Variants in LMBR1 observed in about 807,000 individuals in gnomAD.
LMBR1 encodes the protein limb region 1 protein homolog.
LMBR1 carries 52 observed loss-of-function variants against 73.9 expected under a neutral mutation model. That is an observed-to-expected ratio of 0.70 (90% CI 0.56 to 0.89). The LOEUF (loss-of-function observed/expected upper bound fraction) is 0.89. Ranked by LOEUF, LMBR1 falls within the 40% of genes least tolerant of loss-of-function variation. LMBR1 has a pLI of 0.00. For synonymous variants in LMBR1, 215 were observed against 209.4 expected (o/e 1.03, Z -0.23); for missense variants, 539 against 579.8 (o/e 0.93, Z 0.72).
chr7:156,772,229 G>C (rs988605781), intron 5 of LMBR1, among the ~76,000 whole-genome samples: 1 of 152,024 alleles, frequency 6.6e-6, no homozygotes, highest in Non-Finnish European at 1.5e-5. Context: ...AGCCAAGATC[G>C]TACCACTGCA....
At position 156,892,972 on chromosome 7, in the gene LMBR1, A is replaced by T; in HGVS notation, c.22T>A (p.Ser8Thr). The T allele has an allele frequency of 6.5e-7, 1 of 1,541,876 alleles. No homozygotes were observed. Among genetic ancestry groups the T allele is most frequent in the Non-Finnish European group, 8.7e-7 (1 of 1,151,598 alleles). Reference sequence around the variant, plus strand: ...CTGTGGAAGTGCTGCTCCCGCGCCGACACCTCGTCCTGCCCTTCCATCCTC... The same window carrying T: ...CTGTGGAAGTGCTGCTCCCGCGCCGTCACCTCGTCCTGCCCTTCCATCCTC... MEGQDEVSAREQHFHSQV... is the reference protein window; with the variant it reads MEGQDEVTAREQHFHSQV... Residue 8 changes from serine to threonine, a missense_variant, in exon 1 of 17, where the codon TCG (serine) becomes ACG (threonine). Physicochemically the swap from Ser to Thr is moderately conservative, Grantham distance 58. Transcript: ENST00000353442.
chr7:156,873,387 T>A (rs1201347703), intron 1 of LMBR1, among the ~76,000 whole-genome samples: 1 of 152,152 alleles, frequency 6.6e-6, no homozygotes, highest in East Asian at 1.9e-4. Flanking sequence ...AAAAGCAGCG[T>A]GGACCCAAAG....
chr7:156,859,906 A>G (rs1163943198), intron 1 of LMBR1, among the ~76,000 whole-genome samples: 1 of 152,240 alleles, frequency 6.6e-6, no homozygotes, highest in African/African-American at 2.4e-5. Context: ...TTATAGGCCT[A>G]CAATAATCAA....
At chr7:156,795,220 C>T (rs1377170611) in intron 5 of LMBR1, among the ~76,000 whole-genome samples, 1 of 152,202 alleles carries the variant, frequency 6.6e-6, no homozygotes, top group Non-Finnish European at 1.5e-5. Context: ...CCTGTGAAGC[C>T]TGCTCAGATT....
intron 5 of LMBR1, among the ~76,000 whole-genome samples, chr7:156,776,050 TGA>T (rs1358211625): frequency 1.3e-5 from 2 of 148,918 alleles, no homozygotes; most frequent in Non-Finnish European, 3.0e-5. Flanking sequence ...TATATATATA[TGA>T]GTTATATATA....
At chr7:156,815,664 C>T (rs929982879) in intron 4 of LMBR1, among the ~76,000 whole-genome samples, 2 of 152,236 alleles carry the variant, frequency 1.3e-5, no homozygotes, top group East Asian at 1.9e-4. Flanking sequence ...TCATTAGCCA[C>T]GTGGCTCACT....
chr7:156,807,411 T>C (rs901748395), intron 4 of LMBR1, among the ~76,000 whole-genome samples: 2 of 150,770 alleles, frequency 1.3e-5, no homozygotes, highest in Non-Finnish European at 3.0e-5. Context: ...AAGGCTTTAA[T>C]AGTTTTTGCC....
At chr7:156,771,570 T>A (rs1483443519) in intron 5 of LMBR1, among the ~76,000 whole-genome samples, 2 of 152,102 alleles carry the variant, frequency 1.3e-5, no homozygotes, top group African/African-American at 4.8e-5. Context: ...GAATAATGAG[T>A]TCTGAAACCG....
chr7:156,829,677 G>C (rs1043047334), intron 3 of LMBR1, among the ~76,000 whole-genome samples: 4 of 152,072 alleles, frequency 2.6e-5, no homozygotes, highest in Non-Finnish European at 5.9e-5. Flanking sequence ...TTCTACCATG[G>C]CCCTGCTGCT....
chr7:156,741,866 G>A (rs1040093192), intron 9 of LMBR1, among the ~76,000 whole-genome samples: 3 of 152,054 alleles, frequency 2.0e-5, no homozygotes, highest in African/African-American at 7.2e-5. Context: ...CTCAGCACAA[G>A]GATCATTCTC....
chr7:156,710,098 G>A lies in LMBR1; in HGVS notation c.1225+14014C>T, dbSNP rs533056898. ...TTTGTGTATTTTTTAGTAGAGACGGGGTTTCACCATGTCAGCCAGGATGCT... is the reference window on the plus strand; with the variant it reads ...TTTGTGTATTTTTTAGTAGAGACGGAGTTTCACCATGTCAGCCAGGATGCT... On this transcript the variant is annotated intron_variant, in intron 15 of 16. Transcript: ENST00000353442. Among the ~76,000 whole-genome samples, 382 of 151,770 alleles carry A rather than the reference G, an allele frequency of 2.5e-3. 1 individual carries two copies. Among genetic ancestry groups the A allele is most frequent in the Non-Finnish European group, 3.6e-3 (244 of 67,938 alleles).
chr7:156,726,025 G>A (rs1815679749), intron 12 of LMBR1, 188 bp from the exon 13 acceptor site: 1 of 439,454 alleles, frequency 2.3e-6, no homozygotes, highest in Non-Finnish European at 4.1e-6. Context: ...CAGGCACCAT[G>A]TTAACAATTT....
At chr7:156,676,997 A>G (rs1804183409), downstream of LMBR1, 1 of 220,412 alleles carries the variant, frequency 4.5e-6, no homozygotes, top group Non-Finnish European at 9.2e-6. Context: ...ACACTCCTTA[A>G]GTTCCAAATG....
intron 4 of LMBR1, chr7:156,822,183 T>C (rs1461805175): frequency 6.6e-6 from 1 of 152,164 alleles, no homozygotes; most frequent in Admixed American, 6.5e-5. Context: ...GGCATAGGAA[T>C]AGACAGACAA....
intron 15 of LMBR1, among the ~76,000 whole-genome samples, chr7:156,703,852 C>G (rs2132091505): frequency 6.6e-6 from 1 of 152,266 alleles, no homozygotes; most frequent in East Asian, 1.9e-4. Flanking sequence ...CCTGAGACAC[C>G]CAAGTACTTC....
At chr7:156,874,082 C>T (rs529714960) in intron 1 of LMBR1, among the ~76,000 whole-genome samples, 3 of 152,336 alleles carry the variant, frequency 2.0e-5, no homozygotes, top group South Asian at 2.1e-4. Context: ...AGGCTCAGGC[C>T]GCACAGGAGC....
chr7:156,775,204 C>T (rs535100411), intron 5 of LMBR1, among the ~76,000 whole-genome samples: 2 of 151,938 alleles, frequency 1.3e-5, no homozygotes, highest in South Asian at 2.1e-4. Flanking sequence ...CCCATCTCTA[C>T]GGAAAATTCA....
chr7:156,851,010 C>T (rs1236674425), intron 1 of LMBR1, among the ~76,000 whole-genome samples: 4 of 152,104 alleles, frequency 2.6e-5, no homozygotes, highest in Admixed American at 2.6e-4. Context: ...TATCCATTCC[C>T]TCTTGCTCCC....
At chr7:156,850,016 A>C (rs1348171918) in intron 1 of LMBR1, among the ~76,000 whole-genome samples, 1 of 152,206 alleles carries the variant, frequency 6.6e-6, no homozygotes, top group Non-Finnish European at 1.5e-5. Context: ...CTAATTTTAA[A>C]AAGTAATACG....
Sources: allele counts gnomAD v4.1 joint callset (sites outside exome capture counted in the v4.1 genomes callset), GRCh38; gene constraint gnomAD v4.1.1; transcripts MANE v1.5; gene names NCBI Gene and HGNC (gene_info 2026-07-23, HGNC 2026-07-21).